Variants in MAF observed in about 807,000 individuals in gnomAD.
The protein encoded by MAF is transcription factor Maf.
Under a neutral mutation model 22.0 loss-of-function variants are expected in MAF, and 10 were observed. The observed-to-expected ratio is 0.45, with a 90% CI of 0.28 to 0.77. The LOEUF is 0.77. Ranked by LOEUF, MAF falls within the 30% of genes least tolerant of loss-of-function variation. The pLI, the probability that MAF is intolerant of heterozygous loss-of-function variation, is 0.12. For synonymous variants in MAF, 337 were observed against 255.8 expected (o/e 1.32, Z -3.03); for missense variants, 544 against 548.4 (o/e 0.99, Z 0.08).
chr16:79,415,490 G>A, the MAF span, among the ~76,000 whole-genome samples: 3 of 152,216 alleles, frequency 2.0e-5, no homozygotes, highest in African/African-American at 2.4e-5. Flanking sequence ...ATAGAGCTAT[G>A]TGTTGGGGCA....
At chr16:79,277,255 G>A in the MAF span, among the ~76,000 whole-genome samples, 3 of 152,208 alleles carry the variant, frequency 2.0e-5, no homozygotes, top group East Asian at 1.9e-4. Flanking sequence ...TGCAAAGACC[G>A]CATTTCCAAA....
chr16:79,453,139 G>A, the MAF span, among the ~76,000 whole-genome samples: 176 of 152,072 alleles, frequency 1.2e-3, 2 homozygotes, highest in Non-Finnish European at 1.7e-3. Flanking sequence ...TCAGACCTCC[G>A]CCTAACTGGT....
chr16:79,262,825 C>T, the MAF span, among the ~76,000 whole-genome samples: 21 of 152,170 alleles, frequency 1.4e-4, no homozygotes, highest in African/African-American at 4.3e-4. Flanking sequence ...AGAGAGTTAT[C>T]TAGAAGCTGG....
At chr16:79,319,251 C>T in the MAF span, among the ~76,000 whole-genome samples, 9 of 152,208 alleles carry the variant, frequency 5.9e-5, no homozygotes, top group Admixed American at 3.3e-4. Flanking sequence ...ACTAAGCCCT[C>T]GAGAAAGAAA....
the MAF span, among the ~76,000 whole-genome samples, chr16:79,320,888 T>C: frequency 1.1e-3 from 167 of 152,322 alleles, 1 homozygote; most frequent in African/African-American, 3.9e-3. Flanking sequence ...ACTGTTTTTA[T>C]TTTCCTTTTA....
the MAF span, among the ~76,000 whole-genome samples, chr16:79,487,059 T>A: frequency 6.6e-6 from 1 of 152,268 alleles, no homozygotes; most frequent in South Asian, 2.1e-4. Flanking sequence ...CCACTCCTTT[T>A]TGCAAAGAAC....
At chr16:79,399,316 T>C in the MAF span, among the ~76,000 whole-genome samples, 1 of 152,192 alleles carries the variant, frequency 6.6e-6, no homozygotes, top group Admixed American at 6.5e-5. Context: ...AACTATATAT[T>C]AAGTGCTCAA....
the MAF span, among the ~76,000 whole-genome samples, chr16:79,532,137 G>A: frequency 6.6e-6 from 1 of 152,130 alleles, no homozygotes; most frequent in African/African-American, 2.4e-5. Flanking sequence ...AAATTGAACT[G>A]GGCATCTTGT....
the MAF span, among the ~76,000 whole-genome samples, chr16:79,469,118 G>A: frequency 6.6e-6 from 1 of 152,128 alleles, no homozygotes; most frequent in Non-Finnish European, 1.5e-5. Flanking sequence ...AGCAGAGGTT[G>A]CAAACTGGAG....
At chr16:79,227,282 T>A in the MAF span, among the ~76,000 whole-genome samples, 242 of 151,876 alleles carry the variant, frequency 1.6e-3, 1 homozygote, top group African/African-American at 5.6e-3. Flanking sequence ...GCCTGGGAGG[T>A]CAAGACTGCA....
chr16:79,395,078 T>C, the MAF span, among the ~76,000 whole-genome samples: 2 of 152,208 alleles, frequency 1.3e-5, no homozygotes, highest in African/African-American at 4.8e-5. Context: ...ATCAAGAATC[T>C]ACCCCAGGCG....
At chr16:79,222,072 G>A in the MAF span, among the ~76,000 whole-genome samples, 4 of 152,184 alleles carry the variant, frequency 2.6e-5, no homozygotes, top group Admixed American at 2.0e-4. Flanking sequence ...ATGAAATAAC[G>A]TTGTGGGAGA....
At chr16:79,224,899 G>A in the MAF span, among the ~76,000 whole-genome samples, 1 of 152,150 alleles carries the variant, frequency 6.6e-6, no homozygotes, top group Non-Finnish European at 1.5e-5. Flanking sequence ...CATGCTCATG[G>A]GTAGGAAGAA....
downstream of MAF, among the ~76,000 whole-genome samples, chr16:79,593,300 GC>G (rs1913293938): frequency 6.6e-6 from 1 of 152,148 alleles, no homozygotes; most frequent in Non-Finnish European, 1.5e-5. Context: ...CGTGTCATAG[GC>G]AACTCTAGAT....
the MAF span, among the ~76,000 whole-genome samples, chr16:79,344,828 A>C: frequency 3.3e-5 from 5 of 152,228 alleles, no homozygotes; most frequent in African/African-American, 7.2e-5. Flanking sequence ...AATCATTGTC[A>C]AGAACATAAG....
chr16:79,376,612 G>C, the MAF span, among the ~76,000 whole-genome samples: 1 of 151,882 alleles, frequency 6.6e-6, no homozygotes, highest in Non-Finnish European at 1.5e-5. Context: ...GTGCCATGTT[G>C]GTTTGCTGCA....
chr16:79,210,423 A>T, the MAF span, among the ~76,000 whole-genome samples: 2 of 152,176 alleles, frequency 1.3e-5, no homozygotes, highest in Non-Finnish European at 2.9e-5. Context: ...GCATGGTCAC[A>T]ATGTAAACCC....
At chr16:79,497,619 C>T in the MAF span, among the ~76,000 whole-genome samples, 9 of 152,282 alleles carry the variant, frequency 5.9e-5, no homozygotes, top group South Asian at 2.1e-4. Flanking sequence ...GACCCCAAGA[C>T]GAGGAATCTG....
At chr16:79,590,612 G>A (rs75266758), downstream of MAF, among the ~76,000 whole-genome samples, 6,554 of 152,140 alleles carry the variant, frequency 0.043, 167 homozygotes, top group South Asian at 0.1. Flanking sequence ...TGCTAAGGAC[G>A]TCACTGTTGT....
Sources: allele counts gnomAD v4.1 joint callset (sites outside exome capture counted in the v4.1 genomes callset), GRCh38; gene constraint gnomAD v4.1.1; transcripts MANE v1.5; gene names NCBI Gene and HGNC (gene_info 2026-07-23, HGNC 2026-07-21).